The following PPP4R3B variants were observed in gnomAD, a reference collection of about 807,000 sequenced individuals.
The protein encoded by PPP4R3B is serine/threonine-protein phosphatase 4 regulatory subunit 3B.
In PPP4R3B, 52 loss-of-function variants were observed where a neutral mutation model predicts 95.4. The observed-to-expected ratio is 0.54, with a 90% CI of 0.44 to 0.69. The LOEUF is 0.69. Among genes scored for constraint, PPP4R3B ranks in the 30% least tolerant of loss-of-function variants. The pLI is 0.00. For missense variants in PPP4R3B, 1,003 were observed against 1,005.9 expected, an observed-to-expected ratio of 1.00 and a Z score of 0.04; for synonymous variants, 407 against 343.9, an observed-to-expected ratio of 1.18 and a Z score of -2.03.
At chr2:55,603,157 T>C (rs766963301) in intron 3 of PPP4R3B, among the ~76,000 whole-genome samples, 2 of 152,140 alleles carry the variant, frequency 1.3e-5, no homozygotes, top group African/African-American at 2.4e-5. Context: ...TCCACCATGT[T>C]AGCCAGGGTG....
intron 4 of PPP4R3B, chr2:55,591,620 C>G (rs756189872): frequency 1.2e-4 from 117 of 984,334 alleles, no homozygotes; most frequent in Non-Finnish European, 1.4e-4. Flanking sequence ...GAAAAAAGTT[C>G]CAACTCCTTG....
chr2:55,582,777 A>C (rs540073684), intron 7 of PPP4R3B, among the ~76,000 whole-genome samples: 99 of 152,322 alleles, frequency 6.5e-4, no homozygotes, highest in African/African-American at 2.3e-3. Context: ...AAATGTTACC[A>C]TATCTAAAAA....
At position 55,564,464 on chromosome 2, in the gene PPP4R3B, G is replaced by T. The variant is rs143950383; in HGVS notation, c.2109C>A (p.Arg703=). The T allele has an allele frequency of 2.7e-5, 44 of 1,611,786 alleles. No homozygotes were observed. The highest frequency in any genetic ancestry group is 3.5e-5 in the Non-Finnish European group (41 of 1,179,284). ...VPSILRSNRF[R]RDAKALEEDE... is the part of the protein sequence containing the mutation. ...CCTCTTCCAAGGCTTTTGCATCTCT[G>T]CGAAATCTGTTACTACGCAATATAG... Residue 703 remains arginine (R), a synonymous_variant, in exon 15 of 17, where the codon CGC becomes CGA. Coordinates refer to ENST00000616407, the MANE Select transcript of PPP4R3B (RefSeq NM_001122964.3).
chr2:55,617,365 A>C lies in PPP4R3B; in HGVS notation c.-80T>G. ...GCTCCTCACTCTTAGGAGACGGTAA[A>C]GGCAGTAGTGGCGGTGGCGGCGGCG... On this transcript the variant is annotated 5_prime_UTR_variant, in exon 1 of 17. Transcript: ENST00000616407. The C allele has an allele frequency of 7.1e-7, 1 of 1,405,132 alleles. No homozygotes were observed. The highest frequency in any genetic ancestry group is 9.3e-7 in the Non-Finnish European group (1 of 1,070,696). The allele number at this position is 1,405,132 out of a possible 1,614,324, so 87.0% of individuals were successfully genotyped here.
chr2:55,608,034 C>G (rs1454230906), intron 2 of PPP4R3B, among the ~76,000 whole-genome samples: 1 of 152,202 alleles, frequency 6.6e-6, no homozygotes, highest in Non-Finnish European at 1.5e-5. Flanking sequence ...GATACAGAGT[C>G]TCACTCTGTT....
At chr2:55,610,659 C>T (rs1694038006) in intron 2 of PPP4R3B, among the ~76,000 whole-genome samples, 1 of 152,106 alleles carries the variant, frequency 6.6e-6, no homozygotes, top group Admixed American at 6.6e-5. Flanking sequence ...AGAATCTTAC[C>T]CTTTCTGTAC....
intron 16 of PPP4R3B, among the ~76,000 whole-genome samples, chr2:55,552,774 G>T (rs922465492): frequency 1.3e-5 from 2 of 152,198 alleles, no homozygotes; most frequent in Non-Finnish European, 2.9e-5. Flanking sequence ...TACCAGCAAA[G>T]AAAACAGGAG....
rs551425278 is a variant in PPP4R3B at position 55,613,702 on chromosome 2, G to C, written c.198+1749C>G. Among the ~76,000 whole-genome samples, 4 of 151,634 alleles carry C rather than the reference G, an allele frequency of 2.6e-5. No homozygotes were observed. In the South Asian group the frequency reaches 6.2e-4, roughly 24 times the overall value. Reference sequence around the variant, plus strand: ...CTAAAAGATCTTATATACAATCTGAGAAGAATCCATTATTAAACCTAAATT... The same window carrying C: ...CTAAAAGATCTTATATACAATCTGACAAGAATCCATTATTAAACCTAAATT... On this transcript the variant is annotated intron_variant, in intron 2 of 16. Transcript: ENST00000616407.
At chr2:55,566,939 C>T (rs1407443586) in intron 13 of PPP4R3B, among the ~76,000 whole-genome samples, 1 of 152,120 alleles carries the variant, frequency 6.6e-6, no homozygotes, top group Non-Finnish European at 1.5e-5. Context: ...CCCAGGAGGT[C>T]GAGGCTGCAG....
chr2:55,591,350 C>T (rs1184052065), intron 4 of PPP4R3B, among the ~76,000 whole-genome samples: 2 of 151,570 alleles, frequency 1.3e-5, no homozygotes, highest in Non-Finnish European at 2.9e-5. Context: ...ACTTTGTTGC[C>T]CAGGCTGGTA....
At chr2:55,591,855 T>C (rs1384058200) in intron 4 of PPP4R3B, among the ~76,000 whole-genome samples, 2 of 152,172 alleles carry the variant, frequency 1.3e-5, no homozygotes, top group African/African-American at 4.8e-5. Flanking sequence ...AGGAAGCAAA[T>C]AATCAATAAC....
rs745445665 is a variant in PPP4R3B, at chr2:55,581,721, C to G, written c.1234-23G>C. On this transcript the variant is annotated intron_variant, in intron 7 of 16. Coordinates refer to ENST00000616407, the MANE Select transcript of PPP4R3B (RefSeq NM_001122964.3). ...ATCCTGGTGGCAAAACAAAACAAAA[C>G]AAAACATGTTTCCATTAGACCTGGT... is the stretch of plus-strand genomic sequence containing the variant. The G allele has an allele frequency of 2.5e-6, 4 of 1,604,682 alleles. No individual in the cohort carries two copies. The South Asian group carries it at 3.3e-5, about 13-fold the overall frequency.
chr2:55,579,539 T>C, intron 9 of PPP4R3B, 140 bp downstream of exon 9: 1 of 460,038 alleles, frequency 2.2e-6, no homozygotes, highest in South Asian at 6.5e-5. Flanking sequence ...AAGAAAATCA[T>C]AATTTTATAT....
At position 55,573,785 on chromosome 2, in the gene PPP4R3B, AGAAAGTAATCTCAT is replaced by A; in HGVS notation, c.1607-22_1607-9del. The A allele has an allele frequency of 6.7e-7, 1 of 1,486,704 alleles. No homozygotes were observed. Among genetic ancestry groups the A allele is most frequent in the Non-Finnish European group, 8.9e-7 (1 of 1,120,292 alleles). 92.1% of individuals were successfully genotyped at this position (1,486,704 alleles called of 1,614,324 possible). A position where few individuals can be genotyped will look rare whatever the true frequency, so the allele number is the denominator to read the frequency against. On this transcript the variant is annotated splice_polypyrimidine_tract_variant and intron_variant, in intron 11 of 16. Transcript: ENST00000616407. ...GTGCTGTTTGATAATTATCTACAAA[AGAAAGTAATCTCAT>A]GAAAATAAATATTGAATATATCTAA...
Position 55,598,976 on chromosome 2 carries a change from G to C in PPP4R3B, c.361C>G (p.Arg121Gly). Residue 121 changes from arginine (R) to glycine (G), a missense_variant, in exon 4 of 17, where the codon CGA becomes GGA. Arg to Gly is a moderately radical substitution (Grantham distance 125, BLOSUM62 -2). This residue lies in a region of PPP4R3B where 695 missense variants were observed against 686.2 expected (regional missense o/e 1.01). Transcript: ENST00000616407. ...CTAGTTTCAGGCATTTCTTCAAATC[G>C]TTCTTCTTCAGATTCATCAATGAGG... The part of the protein sequence containing the change: ...QDLIDESEEE[R>G]FEEMPETSHL... 2 of 1,614,028 alleles carry C rather than the reference G, an allele frequency of 1.2e-6. No individual in the cohort carries two copies. The highest frequency in any genetic ancestry group is 1.7e-6 in the Non-Finnish European group (2 of 1,180,004).
At chr2:55,567,233 G>A (rs1183595395) in intron 13 of PPP4R3B, among the ~76,000 whole-genome samples, 2 of 152,106 alleles carry the variant, frequency 1.3e-5, no homozygotes, top group Non-Finnish European at 2.9e-5. Context: ...AGTTCTGACT[G>A]GTCCTGATTG....
intron 3 of PPP4R3B, among the ~76,000 whole-genome samples, chr2:55,602,301 T>C (rs941187024): frequency 5.9e-5 from 9 of 152,202 alleles, no homozygotes; most frequent in African/African-American, 1.2e-4. Flanking sequence ...ACAAATATGA[T>C]CATTTTGGTG....
Position 55,581,933 on chromosome 2 carries a change from C to A in PPP4R3B, c.1234-235G>T, listed in dbSNP as rs1245641916. On this transcript the variant is annotated intron_variant, in intron 7 of 16. Coordinates refer to ENST00000616407, the MANE Select transcript of PPP4R3B (RefSeq NM_001122964.3). ...AAAAAAGAAGAAGGAGGAAAAAAAA[C>A]CCACAAAAGCAGAGCATGCTTCAAC... Among the ~76,000 whole-genome samples, 3 of 149,308 alleles carry A rather than the reference C, an allele frequency of 2.0e-5. 1 individual carries two copies. The highest frequency in any genetic ancestry group is 4.5e-5 in the Non-Finnish European group (3 of 67,216).
Position 55,587,386 on chromosome 2 carries a change from C to G in PPP4R3B, c.1000-652G>C, listed in dbSNP as rs557716238. 1.1e-3 allele frequency among the ~76,000 whole-genome samples: 161 copies of G among 152,228 alleles called. 3 individuals carry two copies. Among genetic ancestry groups the G allele is most frequent in the East Asian group, 2.3e-3 (12 of 5,168 alleles). On this transcript the variant is annotated intron_variant, in intron 5 of 16. Coordinates refer to ENST00000616407, the MANE Select transcript of PPP4R3B (RefSeq NM_001122964.3). Reference sequence around the variant, plus strand: ...ATCACTTGAGTCCAGGAATTTGAGACCAGCCTGCCCAACAGGGTGAAACCC... The same window carrying G: ...ATCACTTGAGTCCAGGAATTTGAGAGCAGCCTGCCCAACAGGGTGAAACCC...
Sources: allele counts gnomAD v4.1 joint callset (sites outside exome capture counted in the v4.1 genomes callset), GRCh38; gene constraint gnomAD v4.1.1; regional missense constraint gnomAD v4.1.1; transcripts MANE v1.5; gene names NCBI Gene and HGNC (gene_info 2026-07-23, HGNC 2026-07-21).